IFT52: variants seen among roughly 807,000 people sequenced by gnomAD.
IFT52 encodes the protein intraflagellar transport protein 52 homolog.
IFT52 carries 44 observed loss-of-function variants against 54.4 expected under a neutral mutation model. The observed-to-expected ratio is 0.81, with a 90% CI of 0.63 to 1.04. The LOEUF (loss-of-function observed/expected upper bound fraction) is 1.04. Among genes scored for constraint, IFT52 ranks in the 50% least tolerant of loss-of-function variants. The pLI, the probability that IFT52 is intolerant of heterozygous loss-of-function variation, is 0.00. For missense variants in IFT52, 452 were observed against 523.6 expected (o/e 0.86, Z 1.33); for synonymous variants, 181 against 185.3 (o/e 0.98, Z 0.19).
intron 6 of IFT52, among the ~76,000 whole-genome samples, chr20:43,608,686 C>G (rs1983172658): frequency 6.6e-6 from 1 of 152,060 alleles, no homozygotes. Flanking sequence ...AGGCAGATCA[C>G]TTGAGCTCAG....
Position 43,606,729 on chromosome 20 carries a change from T to A in IFT52, c.485+1656T>A, listed in dbSNP as rs549668078. Among the ~76,000 whole-genome samples the A allele has an allele frequency of 1.2e-3, 179 of 152,256 alleles. 1 individual carries two copies. The highest frequency in any genetic ancestry group is 2.0e-3 in the Admixed American group (30 of 15,270). On this transcript the variant is annotated intron_variant, in intron 6 of 13. Coordinates refer to ENST00000373030, the MANE Select transcript of IFT52 (RefSeq NM_016004.5). ...TCTGGTTTTCCTAGGCAGAGGACCC[T>A]GCAGCCTTCCGCAGTGTTTGTGTCC...
intron 10 of IFT52, among the ~76,000 whole-genome samples, chr20:43,624,894 C>T (rs908610374): frequency 6.6e-6 from 1 of 152,104 alleles, no homozygotes; most frequent in Admixed American, 6.6e-5. Flanking sequence ...CTGGAATCCT[C>T]ATTGCCTAAG....
At chr20:43,610,159 G>A (rs1024905747) in intron 6 of IFT52, among the ~76,000 whole-genome samples, 1 of 150,748 alleles carries the variant, frequency 6.6e-6, no homozygotes, top group African/African-American at 2.4e-5. Context: ...AGACGTGGTG[G>A]CACAAGCCTG....
chr20:43,595,804 T>G (rs1474290357), intron 2 of IFT52, among the ~76,000 whole-genome samples: 1 of 151,936 alleles, frequency 6.6e-6, no homozygotes, highest in East Asian at 1.9e-4. Flanking sequence ...AAGAATCCCT[T>G]GAACCCAGGA....
At position 43,627,932 on chromosome 20, in the gene IFT52, T is replaced by G. The variant is rs554332293; in HGVS notation, c.923+3887T>G. On this transcript the variant is annotated intron_variant, in intron 10 of 13. Transcript: ENST00000373030. Reference sequence around the variant, plus strand: ...AGAGAGAGAGAGAGAGTTTTTTTTTTTTTTTTTTTTTTTGAGATACAGTCT... The same window carrying G: ...AGAGAGAGAGAGAGAGTTTTTTTTTGTTTTTTTTTTTTTGAGATACAGTCT... Among the ~76,000 whole-genome samples, 466 of 144,246 alleles carry G rather than the reference T, an allele frequency of 3.2e-3. 1 individual carries two copies. The highest frequency in any genetic ancestry group is 6.1e-3 in the Non-Finnish European group (398 of 65,762). 94.6% of individuals were successfully genotyped at this position (144,246 alleles called of 152,430 possible).
Position 43,592,261 on chromosome 20 carries a change from G to A in IFT52, c.-7+1207G>A, listed in dbSNP as rs144714386. ...GGAGAATTGCTTGAACTTGGGAGGCGGAGGTTGCAGCGAGCCGAGATTGCA... is the reference window on the plus strand; with the variant it reads ...GGAGAATTGCTTGAACTTGGGAGGCAGAGGTTGCAGCGAGCCGAGATTGCA... On this transcript the variant is annotated intron_variant, in intron 1 of 13. Coordinates refer to ENST00000373030, the MANE Select transcript of IFT52 (RefSeq NM_016004.5). Among the ~76,000 whole-genome samples the A allele has an allele frequency of 5.5e-3, 828 of 151,898 alleles. 9 individuals are homozygous for A. Among genetic ancestry groups the A allele is most frequent in the African/African-American group, 0.019 (785 of 41,416 alleles).
At chr20:43,640,417 G>A (rs867852474) in intron 12 of IFT52, among the ~76,000 whole-genome samples, 4 of 152,170 alleles carry the variant, frequency 2.6e-5, no homozygotes, top group Non-Finnish European at 4.4e-5. Flanking sequence ...CCAAGATCAC[G>A]CCACTGTACT....
intron 10 of IFT52, among the ~76,000 whole-genome samples, chr20:43,628,314 CAG>C (rs1374832464): frequency 6.6e-6 from 1 of 152,108 alleles, no homozygotes; most frequent in African/African-American, 2.4e-5. Context: ...ATGCCCTGCT[CAG>C]AGGGGAGGAA....
Position 43,594,795 on chromosome 20 carries a change from C to G in IFT52, c.97C>G (p.Arg33Gly). The stretch of plus-strand genomic sequence containing the variant: ...CTACAAATCCATGCAGAAAAAACTT[C>G]GGAGTAATTGGAAGATTCAGAGGTG... Reference protein sequence around the residue: ...NGYKSMQKKLRSNWKIQSLKD... With the variant: ...NGYKSMQKKLGSNWKIQSLKD... Residue 33 changes from arginine to glycine, a missense_variant, in exon 2 of 14, where the codon CGG becomes GGG. By Grantham distance (125) the Arg-to-Gly change is moderately radical. Coordinates refer to ENST00000373030, the MANE Select transcript of IFT52 (RefSeq NM_016004.5). 1 of 1,594,190 alleles carries G rather than the reference C, an allele frequency of 6.3e-7. No individual in the cohort carries two copies. Among genetic ancestry groups the G allele is most frequent in the Non-Finnish European group, 8.6e-7 (1 of 1,161,872 alleles).
chr20:43,597,381 A>AAAAAAG (rs1555800926), intron 3 of IFT52, among the ~76,000 whole-genome samples: 6 of 146,410 alleles, frequency 4.1e-5, no homozygotes, highest in African/African-American at 1.0e-4. Context: ...CAAAAAAAAA[A>AAAAAAG]AAAGAAAGAA....
intron 6 of IFT52, among the ~76,000 whole-genome samples, chr20:43,607,132 G>C (rs1328685775): frequency 2.0e-5 from 3 of 152,212 alleles, no homozygotes; most frequent in Non-Finnish European, 4.4e-5. Context: ...GCCAGGCAGA[G>C]GGGCTCCTCA....
chr20:43,613,384 C>G (rs963432598), intron 6 of IFT52, among the ~76,000 whole-genome samples: 1 of 152,208 alleles, frequency 6.6e-6, no homozygotes, highest in African/African-American at 2.4e-5. Flanking sequence ...AATTTACTTT[C>G]ATGTTTTTTA....
intron 3 of IFT52, among the ~76,000 whole-genome samples, chr20:43,597,923 T>G (rs186284082): frequency 2.7e-4 from 39 of 146,260 alleles, no homozygotes; most frequent in Non-Finnish European, 4.6e-4. Context: ...TGCCATATGA[T>G]CTAGCAATTC....
chr20:43,646,198 G>A (rs1301786245), intron 13 of IFT52, among the ~76,000 whole-genome samples: 9 of 122,014 alleles, frequency 7.4e-5, no homozygotes, highest in African/African-American at 2.8e-4. Context: ...GTGACAGAGC[G>A]AGACTCGTCT....
At chr20:43,599,655 C>T (rs1240630321) in intron 3 of IFT52, among the ~76,000 whole-genome samples, 2 of 152,108 alleles carry the variant, frequency 1.3e-5, no homozygotes, top group Non-Finnish European at 2.9e-5. Flanking sequence ...GACTGTTACC[C>T]CTGGAGAGCT....
In IFT52 at chr20:43,637,153, T is replaced by G; in HGVS notation, c.1020T>G (p.Pro340=). The part of the protein sequence containing the change: ...PLPTLQPAVF[P]PSFRELPPPP... ...ACTTTATTTCCTTTTAGGTTTTTCC[T>G]CCCAGTTTCCGGGAGTTACCACCTC... The change falls in exon 12 of 14, where the codon CCT becomes CCG. Residue 340 remains proline, a synonymous_variant. Coordinates refer to ENST00000373030, the MANE Select transcript of IFT52 (RefSeq NM_016004.5). The G allele has an allele frequency of 6.2e-7, 1 of 1,608,626 alleles. No homozygotes were observed. The highest frequency in any genetic ancestry group is 8.5e-7 in the Non-Finnish European group (1 of 1,175,342).
intron 1 of IFT52, among the ~76,000 whole-genome samples, chr20:43,594,088 T>C (rs1981739791): frequency 6.6e-6 from 1 of 152,060 alleles, no homozygotes; most frequent in Non-Finnish European, 1.5e-5. Flanking sequence ...GGCAGGTGGA[T>C]CATGAGGTCA....
intron 9 of IFT52, among the ~76,000 whole-genome samples, chr20:43,623,418 C>T (rs1984487547): frequency 6.6e-6 from 1 of 152,170 alleles, no homozygotes; most frequent in Non-Finnish European, 1.5e-5. Flanking sequence ...AACTCCTGGG[C>T]TCAAGCGATC....
chr20:43,603,866 A>C lies in IFT52; in HGVS notation c.314A>C (p.Glu105Ala). 1 of 1,494,108 alleles carries C rather than the reference A, an allele frequency of 6.7e-7. No individual in the cohort carries two copies. The highest frequency in any genetic ancestry group is 9.3e-7 in the Non-Finnish European group (1 of 1,076,150). The allele number at this position is 1,494,108 out of a possible 1,614,324, so 92.6% of individuals were successfully genotyped here. A position where few individuals can be genotyped will look rare whatever the true frequency, so the allele number is the denominator to read the frequency against. ...FDTNINFLLE[E>A]YGIMVNNDAV... Reference sequence around the variant, plus strand: ...ACCAATATTAACTTTTTACTAGAAGAATATGGAATCATGGTTAATAATGGT... The same window carrying C: ...ACCAATATTAACTTTTTACTAGAAGCATATGGAATCATGGTTAATAATGGT... The change falls in exon 4 of 14, where the codon GAA becomes GCA. Residue 105 changes from glutamate to alanine, a missense_variant. Coordinates refer to ENST00000373030, the MANE Select transcript of IFT52 (RefSeq NM_016004.5).
Sources: allele counts gnomAD v4.1 joint callset (sites outside exome capture counted in the v4.1 genomes callset), GRCh38; gene constraint gnomAD v4.1.1; transcripts MANE v1.5; gene names NCBI Gene and HGNC (gene_info 2026-07-23, HGNC 2026-07-21).